DPP6: variants seen among roughly 807,000 people sequenced by gnomAD.
DPP6 encodes A-type potassium channel modulatory protein DPP6.
In DPP6, 69 loss-of-function variants were observed where a neutral mutation model predicts 122.6. The observed-to-expected ratio is 0.56, with a 90% CI of 0.46 to 0.69. DPP6 has a LOEUF of 0.69. Among genes scored for constraint, DPP6 ranks in the 30% least tolerant of loss-of-function variants. The pLI, the probability that DPP6 is intolerant of heterozygous loss-of-function variation, is 0.00. For missense variants in DPP6, 928 were observed against 1,116.9 expected (o/e 0.83, Z 2.41); for synonymous variants, 418 against 433.1 (o/e 0.97, Z 0.43).
chr7:153,888,541 G>T (rs1249618760), intron 1 of DPP6, among the ~76,000 whole-genome samples: 1 of 152,218 alleles, frequency 6.6e-6, no homozygotes, highest in Non-Finnish European at 1.5e-5. Flanking sequence ...TCCGGGGCAC[G>T]GGGCCGAGGG....
At chr7:154,719,028 G>A (rs1304742195) in intron 7 of DPP6, among the ~76,000 whole-genome samples, 1 of 152,056 alleles carries the variant, frequency 6.6e-6, no homozygotes, top group Non-Finnish European at 1.5e-5. Flanking sequence ...GACTTTCTAG[G>A]TTTTACCCCA....
At chr7:153,990,723 G>A (rs1304287321) in intron 1 of DPP6, among the ~76,000 whole-genome samples, 4,832 of 131,554 alleles carry the variant, frequency 0.037, no homozygotes, top group African/African-American at 0.11. Flanking sequence ...CCCAGGTATT[G>A]CCTATGGTGT....
intron 7 of DPP6, among the ~76,000 whole-genome samples, chr7:154,699,030 G>C (rs1392804300): frequency 6.6e-6 from 1 of 152,188 alleles, no homozygotes; most frequent in African/African-American, 2.4e-5. Flanking sequence ...CCCTGGAGAA[G>C]AGCACGGTTC....
chr7:154,785,007 C>T lies in DPP6; in HGVS notation c.1137-9072C>T, dbSNP rs141586273. On this transcript the variant is annotated intron_variant, in intron 10 of 25. Coordinates refer to ENST00000377770, the MANE Select transcript of DPP6 (RefSeq NM_130797.4). ...TTGGTCTGGTTGGAAGCATCTAGAG[C>T]GGCTGTGATCAGGTGTGTGGGGAAG... is the stretch of plus-strand genomic sequence containing the variant. Among the ~76,000 whole-genome samples, 48 of 152,188 alleles carry T rather than the reference C, an allele frequency of 3.2e-4. No homozygotes were observed. In the Middle Eastern group the frequency reaches 0.02, roughly 65 times the overall value.
chr7:154,205,030 A>G (rs145549975), intron 1 of DPP6, among the ~76,000 whole-genome samples: 4 of 152,144 alleles, frequency 2.6e-5, no homozygotes, highest in East Asian at 1.9e-4. Context: ...CCTTTTTTCA[A>G]TGCCACTCTG....
intron 3 of DPP6, among the ~76,000 whole-genome samples, chr7:154,521,691 A>G (rs889195133): frequency 2.0e-5 from 3 of 152,184 alleles, no homozygotes; most frequent in African/African-American, 7.2e-5. Context: ...ATTTTTTTGA[A>G]AGTACGAAAG....
At position 154,540,567 on chromosome 7, in the gene DPP6, G is replaced by A. The variant is rs766607696; in HGVS notation, c.493G>A (p.Val165Met). The A allele has an allele frequency of 1.2e-6, 2 of 1,608,602 alleles. No individual in the cohort carries two copies. The highest frequency in any genetic ancestry group is 1.7e-6 in the Non-Finnish European group (2 of 1,177,662). The stretch of plus-strand genomic sequence containing the variant: ...CATCTACAGAGAACAGAAAGGAACA[G>A]TGAGACTGTGGAATGTTGAAACAAA... ...EFIYREQKGT[V>M]RLWNVETNTS... The change falls in exon 4 of 26, where the codon GTG (valine) becomes ATG (methionine). Residue 165 changes from valine to methionine, a missense_variant. Physicochemically the swap from Val to Met is conservative, Grantham distance 21. Coordinates refer to ENST00000377770, the MANE Select transcript of DPP6 (RefSeq NM_130797.4).
chr7:154,324,883 T>TTTTTTC (rs1358698802), intron 1 of DPP6, among the ~76,000 whole-genome samples: 1 of 147,850 alleles, frequency 6.8e-6, no homozygotes, highest in African/African-American at 2.5e-5. Flanking sequence ...TTTTTTTTTT[T>TTTTTTC]GAGTCTTGCT....
chr7:153,950,211 A>G (rs1185219348), intron 1 of DPP6, among the ~76,000 whole-genome samples: 1 of 151,942 alleles, frequency 6.6e-6, no homozygotes, highest in Non-Finnish European at 1.5e-5. Context: ...TTAAGAATTA[A>G]AATTAAACAC....
chr7:154,299,738 C>T (rs1805779226), intron 1 of DPP6, among the ~76,000 whole-genome samples: 1 of 152,148 alleles, frequency 6.6e-6, no homozygotes, highest in Non-Finnish European at 1.5e-5. Flanking sequence ...AGCCGGCAGG[C>T]CTATTTCTTG....
At chr7:154,827,178 A>T (rs1196476760) in intron 16 of DPP6, among the ~76,000 whole-genome samples, 2 of 151,014 alleles carry the variant, frequency 1.3e-5, no homozygotes, top group African/African-American at 4.9e-5. Context: ...CATAATCTAC[A>T]CTGAAATCCA....
At chr7:154,862,137 A>T (rs1019845405) in intron 17 of DPP6, among the ~76,000 whole-genome samples, 2 of 152,150 alleles carry the variant, frequency 1.3e-5, no homozygotes, top group Non-Finnish European at 2.9e-5. Flanking sequence ...GTGGTCCCTC[A>T]TCCTTCATGT....
chr7:154,655,092 ATGC>A (rs1837151646), intron 6 of DPP6, among the ~76,000 whole-genome samples: 1 of 152,150 alleles, frequency 6.6e-6, no homozygotes, highest in Non-Finnish European at 1.5e-5. Context: ...ATTACCTTCC[ATGC>A]TAAGTACATA....
chr7:154,374,044 G>A (rs1008182258), intron 1 of DPP6, among the ~76,000 whole-genome samples: 11 of 152,170 alleles, frequency 7.2e-5, no homozygotes, highest in African/African-American at 2.4e-4. Flanking sequence ...TTAGAAACCA[G>A]CCTATTTTCA....
Position 154,053,148 on chromosome 7 carries a change from T to TG in DPP6, c.243+85_243+86insG, listed in dbSNP as rs1406986802. 154 of 773,332 alleles carry TG rather than the reference T, an allele frequency of 2.0e-4. 2 individuals carry two copies. The highest frequency in any genetic ancestry group is 1.3e-3 in the African/African-American group (68 of 52,824). 47.9% of individuals were successfully genotyped at this position (773,332 alleles called of 1,614,324 possible). On this transcript the variant is annotated intron_variant, in intron 1 of 25. Coordinates refer to ENST00000377770, the MANE Select transcript of DPP6 (RefSeq NM_130797.4). The stretch of plus-strand genomic sequence containing the variant: ...GACGCGTCGGCAGGGGAAATTTTTT[T>TG]TGGGGGGGGAATCAGGCGCCCTCCC...
In DPP6 at chr7:153,984,811, A is replaced by T. The variant is rs1796763356; in HGVS notation, c.51+97077A>T. ...TCTGATCTCATTTTTGGCTTCTATG[A>T]CACTTTTCCCTTAAAAGCAAAGCTG... On this transcript the variant is annotated intron_variant, in intron 1 of 25. Transcript: ENST00000404039. Among the ~76,000 whole-genome samples, 3 of 152,170 alleles carry T rather than the reference A, an allele frequency of 2.0e-5. No homozygotes were observed. The South Asian group carries it at 6.2e-4, about 32-fold the overall frequency.
chr7:154,257,294 C>A lies in DPP6; in HGVS notation c.244-188920C>A, dbSNP rs558346977. ...TCCTACCTGTTGTAATGAAACTTCTCGATTTGCTCTCCTCTCCAACCACAC... is the reference window on the plus strand; with the variant it reads ...TCCTACCTGTTGTAATGAAACTTCTAGATTTGCTCTCCTCTCCAACCACAC... On this transcript the variant is annotated intron_variant, in intron 1 of 25. Transcript: ENST00000377770. 4.2e-4 allele frequency among the ~76,000 whole-genome samples: 64 copies of A among 152,148 alleles called. 1 individual carries two copies. In the South Asian group the frequency reaches 0.013, roughly 30 times the overall value.
intron 7 of DPP6, among the ~76,000 whole-genome samples, chr7:154,694,672 G>A (rs6947049): frequency 0.88 from 133,142 of 152,100 alleles, 59,690 homozygotes; most frequent in South Asian, 0.99. Context: ...CAACATTGAC[G>A]GTCCCCAGCC....
chr7:154,656,537 GA>G (rs1837264133), intron 6 of DPP6, among the ~76,000 whole-genome samples: 1 of 152,168 alleles, frequency 6.6e-6, no homozygotes, highest in African/African-American at 2.4e-5. Context: ...GATGGACACA[GA>G]AGATCTTCAG....
Sources: allele counts gnomAD v4.1 joint callset (sites outside exome capture counted in the v4.1 genomes callset), GRCh38; gene constraint gnomAD v4.1.1; transcripts MANE v1.5; gene names NCBI Gene and HGNC (gene_info 2026-07-23, HGNC 2026-07-21).